ARHGEF7: variants seen among roughly 807,000 people sequenced by gnomAD.
ARHGEF7 encodes PAK-interacting exchange factor beta.
A neutral mutation model predicts 109.8 loss-of-function variants in ARHGEF7; 33 were observed. That is an observed-to-expected ratio of 0.30 (90% CI 0.23 to 0.40). The LOEUF (loss-of-function observed/expected upper bound fraction) is 0.40. Among genes scored for constraint, ARHGEF7 ranks in the 10% least tolerant of loss-of-function variants. The probability of loss-of-function intolerance (pLI) is 1.00; values close to 1 mark genes in which losing one functional copy is unlikely to be tolerated. For missense variants in ARHGEF7, 938 were observed against 1,098.5 expected (o/e 0.85, Z 2.07); for synonymous variants, 458 against 424.6 (o/e 1.08, Z -0.97).
chr13:111,243,352 A>G (rs952228058), intron 6 of ARHGEF7, among the ~76,000 whole-genome samples: 3 of 152,242 alleles, frequency 2.0e-5, no homozygotes, highest in Non-Finnish European at 2.9e-5. Flanking sequence ...TACAGAACCT[A>G]TGTATCACCT....
chr13:111,161,455 G>A (rs2076734891), intron 2 of ARHGEF7, among the ~76,000 whole-genome samples: 2 of 152,202 alleles, frequency 1.3e-5, no homozygotes, highest in East Asian at 1.9e-4. Flanking sequence ...GGTGTCACAC[G>A]TGCTTGCCCT....
chr13:111,282,961 A>C (rs2092849299), intron 15 of ARHGEF7, 178 bp from the exon 16 acceptor site: 2 of 853,718 alleles, frequency 2.3e-6, no homozygotes, highest in African/African-American at 1.7e-5. Flanking sequence ...GGCGCGAGCT[A>C]GTGTTTGGCC....
intron 2 of ARHGEF7, among the ~76,000 whole-genome samples, chr13:111,196,625 C>T (rs569382047): frequency 8.5e-5 from 13 of 152,196 alleles, no homozygotes; most frequent in African/African-American, 1.2e-4. Context: ...ACCGATAGCC[C>T]GGGGGTTTTT....
In ARHGEF7 at chr13:111,291,442, G is replaced by A. The variant is rs116241388; in HGVS notation, c.2135-676G>A. Among the ~76,000 whole-genome samples, 1,500 of 152,334 alleles carry A rather than the reference G, an allele frequency of 9.8e-3. 20 individuals are homozygous for A. Among genetic ancestry groups the A allele is most frequent in the African/African-American group, 0.034 (1,427 of 41,562 alleles). On this transcript the variant is annotated intron_variant, in intron 18 of 21. Coordinates refer to ENST00000646102, the MANE Select transcript of ARHGEF7 (RefSeq NM_001354046.2). ...CAGCTTCCCACTGCACCCTGCCTGC[G>A]GGCTAAGCTCCAGCGCGCCCTGGGA...
intron 17 of ARHGEF7, among the ~76,000 whole-genome samples, chr13:111,287,400 C>T (rs535559934): frequency 2.6e-5 from 4 of 152,208 alleles, no homozygotes; most frequent in Admixed American, 1.3e-4. Flanking sequence ...GGCCGGGGGC[C>T]GGCTGCAGCT....
intron 8 of ARHGEF7, among the ~76,000 whole-genome samples, chr13:111,249,371 G>T (rs923810871): frequency 6.6e-6 from 1 of 152,032 alleles, no homozygotes; most frequent in Non-Finnish European, 1.5e-5. Flanking sequence ...TTGAGGACGT[G>T]CCAGGTAACA....
At chr13:111,184,324 G>A (rs1161388720) in intron 2 of ARHGEF7, among the ~76,000 whole-genome samples, 8 of 152,254 alleles carry the variant, frequency 5.3e-5, no homozygotes, top group Middle Eastern at 3.4e-3. Flanking sequence ...TCATAGCAGC[G>A]TGAGAACGGA....
intron 18 of ARHGEF7, among the ~76,000 whole-genome samples, chr13:111,289,446 A>C (rs952270217): frequency 6.6e-6 from 1 of 152,192 alleles, no homozygotes; most frequent in Non-Finnish European, 1.5e-5. Flanking sequence ...CTGCGTGCCC[A>C]CAACAGCTGA....
intron 4 of ARHGEF7, among the ~76,000 whole-genome samples, chr13:111,210,937 TAG>T (rs2082416385): frequency 6.6e-6 from 1 of 152,130 alleles, no homozygotes; most frequent in Admixed American, 6.5e-5. Flanking sequence ...TTAATTTAGA[TAG>T]AGTCGTGATT....
intron 2 of ARHGEF7, among the ~76,000 whole-genome samples, chr13:111,173,413 C>G (rs760106216): frequency 1.3e-5 from 2 of 152,128 alleles, no homozygotes; most frequent in Non-Finnish European, 2.9e-5. Context: ...GGAAAATTAC[C>G]AGGAGTTTGA....
intron 5 of ARHGEF7, among the ~76,000 whole-genome samples, chr13:111,224,668 TA>T (rs755204880): frequency 6.6e-6 from 1 of 152,232 alleles, no homozygotes; most frequent in Non-Finnish European, 1.5e-5. Flanking sequence ...CACTTTTAAA[TA>T]TTTTTTACTT....
intron 2 of ARHGEF7, among the ~76,000 whole-genome samples, chr13:111,157,987 T>G (rs1044522765): frequency 7.9e-5 from 12 of 152,234 alleles, no homozygotes; most frequent in Non-Finnish European, 1.6e-4. Context: ...TGTAACATGT[T>G]TACCAGTTTT....
chr13:111,159,410 A>G (rs556780442), intron 2 of ARHGEF7, among the ~76,000 whole-genome samples: 1 of 152,294 alleles, frequency 6.6e-6, no homozygotes, highest in African/African-American at 2.4e-5. Flanking sequence ...CAGTAGTGGG[A>G]TTGCTGGATC....
chr13:111,214,473 G>A (rs982475914), intron 4 of ARHGEF7, among the ~76,000 whole-genome samples: 1 of 152,238 alleles, frequency 6.6e-6, no homozygotes, highest in African/African-American at 2.4e-5. Flanking sequence ...CAAGGCCGGC[G>A]TGCCCAGGTG....
chr13:111,170,810 G>A (rs2077533526), intron 2 of ARHGEF7, among the ~76,000 whole-genome samples: 1 of 152,212 alleles, frequency 6.6e-6, no homozygotes, highest in South Asian at 2.1e-4. Context: ...AAAAATGGGA[G>A]ACCTGCTTGT....
chr13:111,218,032 C>T (rs1309239493), intron 5 of ARHGEF7, 152 bp downstream of exon 5: 2 of 752,774 alleles, frequency 2.7e-6, no homozygotes, highest in East Asian at 5.5e-5. Context: ...ATTTTCACCT[C>T]AGCCCCACAT....
intron 2 of ARHGEF7, among the ~76,000 whole-genome samples, chr13:111,169,791 G>A (rs906879290): frequency 7.9e-5 from 12 of 152,180 alleles, no homozygotes; most frequent in East Asian, 5.8e-4. Flanking sequence ...GCTAGACACC[G>A]TTCTAGTTGC....
intron 20 of ARHGEF7, 56 bp from the exon 21 acceptor site, chr13:111,301,422 G>A: frequency 6.7e-7 from 1 of 1,503,694 alleles, no homozygotes; most frequent in South Asian, 1.1e-5. Flanking sequence ...AAGTTTTCGT[G>A]TGTCCTCTCC....
chr13:111,126,931 T>C (rs7985019), intron 1 of ARHGEF7, among the ~76,000 whole-genome samples: 96,743 of 152,028 alleles, frequency 0.64, 32,581 homozygotes, highest in Admixed American at 0.76. Flanking sequence ...AGAAAGAGAA[T>C]AATAAAGAAC....
Sources: gnomAD v4.1 joint callset for allele counts (sites outside exome capture counted in the v4.1 genomes callset) on GRCh38, gnomAD v4.1.1 for gene constraint, MANE v1.5 for transcripts, NCBI Gene and HGNC (gene_info 2026-07-23, HGNC 2026-07-21) for gene names.